Variants in GMDS observed in about 807,000 individuals in gnomAD.
The protein encoded by GMDS is GDP-mannose 4,6-dehydratase, also known as GDP-mannose 4,6 dehydratase.
Under a neutral mutation model 49.9 loss-of-function variants are expected in GMDS, and 20 were observed. That is an observed-to-expected ratio of 0.40 (90% confidence interval 0.28 to 0.58). The LOEUF is 0.58. Ranked by LOEUF, GMDS falls within the 20% of genes least tolerant of loss-of-function variation. The probability of loss-of-function intolerance (pLI) is 0.42; values close to 1 mark genes in which losing one functional copy is unlikely to be tolerated. For synonymous variants in GMDS, 177 were observed against 178.6 expected, an observed-to-expected ratio of 0.99 and a Z score of 0.07; for missense variants, 362 against 481.4, an observed-to-expected ratio of 0.75 and a Z score of 2.32.
chr6:1,841,278 C>A (rs1465287861), intron 7 of GMDS, among the ~76,000 whole-genome samples: 2 of 152,166 alleles, frequency 1.3e-5, no homozygotes, highest in East Asian at 3.9e-4. Flanking sequence ...TATTTCAAGG[C>A]GTTCCTTGTT....
intron 7 of GMDS, among the ~76,000 whole-genome samples, chr6:1,929,507 AAT>A (rs1762183491): frequency 6.6e-6 from 1 of 152,254 alleles, no homozygotes. Context: ...CAAGAATGAA[AAT>A]CTGAATTTCC....
chr6:1,706,156 G>A (rs563234745), intron 9 of GMDS, among the ~76,000 whole-genome samples: 1 of 152,326 alleles, frequency 6.6e-6, no homozygotes, highest in East Asian at 1.9e-4. Flanking sequence ...CGATTCTCAA[G>A]GGTTGTTATG....
At chr6:2,236,595 T>C (rs1450085776) in intron 1 of GMDS, among the ~76,000 whole-genome samples, 1 of 152,228 alleles carries the variant, frequency 6.6e-6, no homozygotes, top group East Asian at 1.9e-4. Context: ...AGTGTCTGCA[T>C]ATACTTGCAA....
At chr6:1,902,637 T>C (rs929983013) in intron 7 of GMDS, among the ~76,000 whole-genome samples, 12 of 152,106 alleles carry the variant, frequency 7.9e-5, no homozygotes, top group African/African-American at 2.9e-4. Flanking sequence ...AAGGTGAATA[T>C]AGGATAAAAA....
At chr6:1,918,535 CT>C (rs1761532572) in intron 7 of GMDS, among the ~76,000 whole-genome samples, 4 of 152,084 alleles carry the variant, frequency 2.6e-5, no homozygotes. Flanking sequence ...CATTTGAGCT[CT>C]GGAGTTCAAG....
chr6:2,233,651 T>C (rs187654087), intron 1 of GMDS, among the ~76,000 whole-genome samples: 81 of 152,016 alleles, frequency 5.3e-4, no homozygotes, highest in African/African-American at 1.9e-3. Flanking sequence ...GAAACCCCAA[T>C]TCTACTAAAA....
chr6:2,232,955 C>T (rs1245636835), intron 1 of GMDS, among the ~76,000 whole-genome samples: 1 of 152,078 alleles, frequency 6.6e-6, no homozygotes, highest in Non-Finnish European at 1.5e-5. Context: ...GAAAAACATA[C>T]AAGACAGAAT....
chr6:2,103,073 A>G (rs958193089), intron 4 of GMDS, among the ~76,000 whole-genome samples: 12 of 152,218 alleles, frequency 7.9e-5, no homozygotes, highest in African/African-American at 2.9e-4. Flanking sequence ...TTAATAAGTA[A>G]CAAGCAACAG....
intron 1 of GMDS, among the ~76,000 whole-genome samples, chr6:2,179,533 G>A (rs1327898985): frequency 6.6e-6 from 1 of 152,150 alleles, no homozygotes; most frequent in Non-Finnish European, 1.5e-5. Flanking sequence ...TCTCCCACGT[G>A]AGAACATCCT....
At chr6:2,204,256 C>T (rs929684375) in intron 1 of GMDS, among the ~76,000 whole-genome samples, 1 of 152,148 alleles carries the variant, frequency 6.6e-6, no homozygotes. Context: ...CCAAGAAGTG[C>T]TCCTGCCCAC....
intron 7 of GMDS, among the ~76,000 whole-genome samples, chr6:1,904,405 G>A (rs1186621864): frequency 6.6e-6 from 1 of 152,140 alleles, no homozygotes; most frequent in African/African-American, 2.4e-5. Context: ...AAGGCCAGGA[G>A]GACTGCCCCC....
intron 4 of GMDS, among the ~76,000 whole-genome samples, chr6:2,040,727 C>T (rs1010824862): frequency 2.6e-5 from 4 of 152,132 alleles, no homozygotes; most frequent in African/African-American, 9.7e-5. Flanking sequence ...TCACTCTCAC[C>T]TTCTCCTCAC....
At chr6:2,149,813 G>C (rs1776758637) in intron 1 of GMDS, among the ~76,000 whole-genome samples, 2 of 152,124 alleles carry the variant, frequency 1.3e-5, no homozygotes, top group African/African-American at 4.8e-5. Flanking sequence ...TACAAGCTGT[G>C]GGGAGACTGA....
intron 4 of GMDS, among the ~76,000 whole-genome samples, chr6:2,096,843 A>G (rs1053997530): frequency 7.9e-5 from 12 of 152,216 alleles, no homozygotes; most frequent in Non-Finnish European, 1.5e-4. Flanking sequence ...ACATGACTTT[A>G]TATTTTAGTT....
chr6:1,942,357 TTCCC>T (rs1398114535), intron 6 of GMDS, among the ~76,000 whole-genome samples: 4 of 152,294 alleles, frequency 2.6e-5, no homozygotes, highest in African/African-American at 9.6e-5. Flanking sequence ...TCAATGCAGA[TTCCC>T]CAAAGCATGC....
intron 7 of GMDS, among the ~76,000 whole-genome samples, chr6:1,899,528 C>T (rs919730802): frequency 2.0e-5 from 3 of 152,184 alleles, no homozygotes; most frequent in African/African-American, 7.2e-5. Flanking sequence ...TCAAGAAAGC[C>T]TGGTGCTATA....
intron 7 of GMDS, among the ~76,000 whole-genome samples, chr6:1,799,595 T>C (rs954654089): frequency 6.6e-6 from 1 of 151,884 alleles, no homozygotes; most frequent in African/African-American, 2.4e-5. Flanking sequence ...CATTCTAGAA[T>C]AACAGAAGTC....
At chr6:2,079,681 A>T (rs750494158) in intron 4 of GMDS, among the ~76,000 whole-genome samples, 3 of 152,098 alleles carry the variant, frequency 2.0e-5, no homozygotes, top group Non-Finnish European at 4.4e-5. Context: ...TATTAGCCTG[A>T]TAAGGTTTTC....
intron 4 of GMDS, among the ~76,000 whole-genome samples, chr6:1,983,057 A>C (rs369137414): frequency 6.6e-6 from 1 of 152,128 alleles, no homozygotes; most frequent in Non-Finnish European, 1.5e-5. Context: ...CAGAATAGAG[A>C]ACCCAAAAAT....
Sources: gnomAD v4.1 joint callset for allele counts (sites outside exome capture counted in the v4.1 genomes callset) on GRCh38, gnomAD v4.1.1 for gene constraint, MANE v1.5 for transcripts, NCBI Gene and HGNC (gene_info 2026-07-23, HGNC 2026-07-21) for gene names.